Variants in ARL5A observed in about 807,000 individuals in gnomAD.
ARL5A encodes the protein ADP-ribosylation factor-like protein 5A.
In ARL5A, 18 loss-of-function variants were observed where a neutral mutation model predicts 25.9. That is an observed-to-expected ratio of 0.69 (90% CI 0.48 to 1.03). ARL5A has a LOEUF of 1.03. ARL5A is among the 50% of genes least tolerant of loss of function. The pLI is 0.00. For missense variants in ARL5A, 170 were observed against 211.9 expected (o/e 0.80, Z 1.23); for synonymous variants, 61 against 67.5 (o/e 0.90, Z 0.47).
intron 1 of ARL5A, among the ~76,000 whole-genome samples, chr2:151,819,191 A>C (rs911347953): frequency 6.6e-6 from 1 of 152,252 alleles, no homozygotes; most frequent in African/African-American, 2.4e-5. Context: ...ACAACGAAGT[A>C]AAAAACAGTA....
intron 2 of ARL5A, 92 bp downstream of exon 2, chr2:151,815,047 A>G (rs975307942): frequency 1.1e-5 from 10 of 937,320 alleles, no homozygotes; most frequent in African/African-American, 3.4e-5. Flanking sequence ...CTTAGGTTTC[A>G]TGTAATTTCT....
chr2:151,805,666 ATG>A, intron 5 of ARL5A, among the ~76,000 whole-genome samples: 1 of 152,190 alleles, frequency 6.6e-6, no homozygotes, highest in Non-Finnish European at 1.5e-5. Flanking sequence ...CCTATACAGC[ATG>A]TTACTGTACT....
In ARL5A at chr2:151,801,007, T is replaced by C. The variant is rs974885615; in HGVS notation, c.*2269A>G. The C allele has an allele frequency of 6.6e-6, 1 of 152,636 alleles. No individual in the cohort carries two copies. 9.5% of individuals were successfully genotyped at this position (152,636 alleles called of 1,614,324 possible). A position where few individuals can be genotyped will look rare whatever the true frequency, so the allele number is the denominator to read the frequency against. The stretch of plus-strand genomic sequence containing the variant: ...CTTTTCACCAGCTTCTCCATTTTAT[T>C]TGAAAATAATACTTTTAAAATGATT... On this transcript the variant is annotated 3_prime_UTR_variant, in exon 6 of 6. Coordinates refer to ENST00000295087, the MANE Select transcript of ARL5A (RefSeq NM_012097.4).
At chr2:151,825,578 G>C (rs192528485) in intron 1 of ARL5A, among the ~76,000 whole-genome samples, 19 of 152,090 alleles carry the variant, frequency 1.2e-4, no homozygotes, top group African/African-American at 4.6e-4. Flanking sequence ...TTTCTAGTTC[G>C]AGCGGTATAC....
At chr2:151,805,538 G>A (rs931373986) in intron 5 of ARL5A, among the ~76,000 whole-genome samples, 1 of 152,162 alleles carries the variant, frequency 6.6e-6, no homozygotes, top group Non-Finnish European at 1.5e-5. Flanking sequence ...TCTGAGAAAT[G>A]TGTCAGGTGA....
intron 1 of ARL5A, chr2:151,827,464 A>C (rs1291489350): frequency 6.6e-6 from 1 of 152,194 alleles, no homozygotes; most frequent in Admixed American, 6.5e-5. Flanking sequence ...AACAAACAAA[A>C]ACTGTGTCTA....
intron 1 of ARL5A, among the ~76,000 whole-genome samples, chr2:151,818,883 T>A (rs2151295942): frequency 6.6e-6 from 1 of 152,256 alleles, no homozygotes; most frequent in Non-Finnish European, 1.5e-5. Flanking sequence ...CACAGCATTC[T>A]CAAAATGTCA....
intron 1 of ARL5A, among the ~76,000 whole-genome samples, chr2:151,826,478 ATTT>A (rs2099833067): frequency 6.6e-6 from 1 of 152,220 alleles, no homozygotes; most frequent in African/African-American, 2.4e-5. Context: ...GAAACAAATA[ATTT>A]TATCATTGAC....
intron 1 of ARL5A, chr2:151,827,741 C>A (rs945570649): frequency 1.4e-5 from 3 of 212,912 alleles, no homozygotes; most frequent in Non-Finnish European, 2.8e-5. Flanking sequence ...AACCTTCATT[C>A]CAGAAGACCC....
intron 1 of ARL5A, among the ~76,000 whole-genome samples, chr2:151,820,070 A>G (rs951494714): frequency 6.6e-6 from 1 of 152,242 alleles, no homozygotes; most frequent in African/African-American, 2.4e-5. Flanking sequence ...ACCATGTGCT[A>G]TAACACACAG....
chr2:151,806,126 T>C (rs1186777487), intron 5 of ARL5A, among the ~76,000 whole-genome samples: 1 of 152,212 alleles, frequency 6.6e-6, no homozygotes, highest in African/African-American at 2.4e-5. Context: ...TCCATCTTCC[T>C]GGTCCTTGAC....
In ARL5A at chr2:151,800,413, A is replaced by G. The variant is rs1274704899; in HGVS notation, c.*2863T>C. The stretch of plus-strand genomic sequence containing the variant: ...AAATGACCTACTAGGCACTTTTTAA[A>G]GGCCAGAAAATAAAAACTCTTCTTC... On this transcript the variant is annotated 3_prime_UTR_variant, in exon 6 of 6. Transcript: ENST00000295087. 1.3e-5 allele frequency: 2 copies of G among 152,342 alleles called. No individual in the cohort carries two copies. Among genetic ancestry groups the G allele is most frequent in the East Asian group, 1.9e-4 (1 of 5,186 alleles). The allele number at this position is 152,342 out of a possible 1,614,324, so 9.4% of individuals were successfully genotyped here. A position where few individuals can be genotyped will look rare whatever the true frequency, so the allele number is the denominator to read the frequency against.
intron 4 of ARL5A, chr2:151,810,654 T>C (rs2099830720): frequency 2.5e-6 from 1 of 396,196 alleles, no homozygotes; most frequent in South Asian, 1.9e-5. Context: ...GGCCCCAGTG[T>C]AGTCACCCAT....
At chr2:151,820,674 A>C (rs1242261889) in intron 1 of ARL5A, among the ~76,000 whole-genome samples, 1 of 150,434 alleles carries the variant, frequency 6.6e-6, no homozygotes, top group African/African-American at 2.4e-5. Context: ...AAAAAAAAAA[A>C]AAAAAAAAAA....
At chr2:151,820,975 A>G (rs1008633691) in intron 1 of ARL5A, among the ~76,000 whole-genome samples, 1 of 152,212 alleles carries the variant, frequency 6.6e-6, no homozygotes, top group Non-Finnish European at 1.5e-5. Context: ...CTGAAAGTGA[A>G]TAACTAAATC....
At chr2:151,808,346 C>T (rs2099830366) in intron 4 of ARL5A, among the ~76,000 whole-genome samples, 1 of 152,178 alleles carries the variant, frequency 6.6e-6, no homozygotes, top group Non-Finnish European at 1.5e-5. Flanking sequence ...TAAATAAAAT[C>T]TTCAGCAGAT....
intron 1 of ARL5A, among the ~76,000 whole-genome samples, chr2:151,826,421 T>C (rs917742835): frequency 1.3e-5 from 2 of 152,234 alleles, no homozygotes; most frequent in Non-Finnish European, 2.9e-5. Context: ...TATTATTTAC[T>C]ACTCCAAGGA....
intron 4 of ARL5A, among the ~76,000 whole-genome samples, chr2:151,807,871 C>A (rs1006507864): frequency 6.6e-6 from 1 of 152,162 alleles, no homozygotes; most frequent in Non-Finnish European, 1.5e-5. Flanking sequence ...GAGCAAGACA[C>A]CTACTGCATT....
Position 151,800,081 on chromosome 2 carries a change from A to C in ARL5A, c.*3195T>G, listed in dbSNP as rs1162586931. The C allele has an allele frequency of 6.6e-6, 1 of 152,242 alleles. No individual in the cohort carries two copies. Among genetic ancestry groups the C allele is most frequent in the African/African-American group, 2.4e-5 (1 of 41,468 alleles). The allele number at this position is 152,242 out of a possible 1,614,324, so 9.4% of individuals were successfully genotyped here. ...TGAGAGAAGACTGGAGTTTGGAGAT[A>C]ACCGATGATGTGGTATTATCTCCTG... On this transcript the variant is annotated 3_prime_UTR_variant, in exon 6 of 6. Transcript: ENST00000295087.
Sources: allele counts gnomAD v4.1 joint callset (sites outside exome capture counted in the v4.1 genomes callset), GRCh38; gene constraint gnomAD v4.1.1; transcripts MANE v1.5; gene names NCBI Gene and HGNC (gene_info 2026-07-23, HGNC 2026-07-21).